Variants in ANAPC16 observed in about 807,000 individuals in gnomAD.
The protein encoded by ANAPC16 is anaphase-promoting complex subunit 16.
In ANAPC16, 6 loss-of-function variants were observed where a neutral mutation model predicts 13.1. The observed-to-expected ratio is 0.46, with a 90% confidence interval of 0.25 to 0.90. ANAPC16 has a LOEUF of 0.90. Among genes scored for constraint, ANAPC16 ranks in the 40% least tolerant of loss-of-function variants. The pLI is 0.18. For synonymous variants in ANAPC16, 55 were observed against 51.3 expected, an observed-to-expected ratio of 1.07 and a Z score of -0.31; for missense variants, 113 against 131.1, an observed-to-expected ratio of 0.86 and a Z score of 0.67.
Position 72,216,490 on chromosome 10 carries a change from C to G in ANAPC16, c.-28+352C>G, listed in dbSNP as rs1437241854. On this transcript the variant is annotated intron_variant, in intron 1 of 3. Coordinates refer to ENST00000299381, the MANE Select transcript of ANAPC16 (RefSeq NM_173473.4). ...CCCCGCCCCGTTCCCGCCCCCCCCCCCCCCCGTTACAGCTGCGGCATCTAT... is the reference window on the plus strand; with the variant it reads ...CCCCGCCCCGTTCCCGCCCCCCCCCGCCCCCGTTACAGCTGCGGCATCTAT... 7.7e-5 allele frequency among the ~76,000 whole-genome samples: 10 copies of G among 129,378 alleles called. No individual in the cohort carries two copies. The South Asian group carries it at 1.0e-3, about 13-fold the overall frequency. The allele number at this position is 129,378 out of a possible 152,430, so 84.9% of individuals were successfully genotyped here.
chr10:72,228,906 G>A (rs899505139), intron 2 of ANAPC16, among the ~76,000 whole-genome samples: 1 of 152,174 alleles, frequency 6.6e-6, no homozygotes, highest in Admixed American at 6.6e-5. Flanking sequence ...CAAGTGAGAG[G>A]TGGCACTTTC....
intron 1 of ANAPC16, among the ~76,000 whole-genome samples, chr10:72,218,739 C>G (rs1191865508): frequency 6.6e-6 from 1 of 152,214 alleles, no homozygotes; most frequent in Non-Finnish European, 1.5e-5. Context: ...TCATTTACCA[C>G]TTGCTGGTAG....
chr10:72,232,186 CAAA>C (rs1194817055), intron 3 of ANAPC16, among the ~76,000 whole-genome samples: 5 of 43,912 alleles, frequency 1.1e-4, no homozygotes, highest in African/African-American at 1.7e-4. Flanking sequence ...AACTCTGTCT[CAAA>C]AAAAAAAAAA....
chr10:72,218,168 ATATATATATATATATAT>A (rs1564789469), intron 1 of ANAPC16, among the ~76,000 whole-genome samples: 573 of 19,708 alleles, frequency 0.029, 29 homozygotes, highest in Middle Eastern at 0.042. Flanking sequence ...AAAAAAAAAT[ATATATATATATATATAT>A]ATATATATAT....
rs758581509 is a variant in ANAPC16, at chr10:72,233,112, G to A, written c.329G>A (p.Gly110Asp). 1.2e-6 allele frequency: 2 copies of A among 1,613,810 alleles called. No individual in the cohort carries two copies. Among genetic ancestry groups the A allele is most frequent in the South Asian group, 1.1e-5 (1 of 91,074 alleles). The change falls in exon 4 of 4, where the codon GGT (glycine) becomes GAT (aspartate). Residue 110 changes from glycine (G) to aspartate (D), a missense_variant. Physicochemically the swap from Gly to Asp is moderately conservative, Grantham distance 94. Coordinates refer to ENST00000299381, the MANE Select transcript of ANAPC16 (RefSeq NM_173473.4). ...EQLLGFTPSS[G>D] Reference sequence around the variant, plus strand: ...CTGCTGGGATTCACCCCCTCTTCAGGTTGATACTGCCTGGATGGTCACCTC... The same window carrying A: ...CTGCTGGGATTCACCCCCTCTTCAGATTGATACTGCCTGGATGGTCACCTC...
At chr10:72,231,175 T>G (rs144846089) in intron 3 of ANAPC16, among the ~76,000 whole-genome samples, 50 of 152,260 alleles carry the variant, frequency 3.3e-4, no homozygotes, top group African/African-American at 1.1e-3. Context: ...AAGCTGTAAT[T>G]GCCTCTAACC....
At chr10:72,226,171 A>C (rs1860117110) in intron 2 of ANAPC16, among the ~76,000 whole-genome samples, 1 of 151,152 alleles carries the variant, frequency 6.6e-6, no homozygotes, top group South Asian at 2.1e-4. Flanking sequence ...GCCCACCACC[A>C]CACCTGGCTA....
intron 1 of ANAPC16, among the ~76,000 whole-genome samples, chr10:72,221,974 C>T (rs1859952847): frequency 1.3e-5 from 2 of 150,762 alleles, no homozygotes; most frequent in East Asian, 2.0e-4. Context: ...GTGATCCACC[C>T]GCCTCGGCCT....
chr10:72,224,865 A>G (rs1860069778), intron 2 of ANAPC16, among the ~76,000 whole-genome samples: 1 of 152,314 alleles, frequency 6.6e-6, no homozygotes, highest in Non-Finnish European at 1.5e-5. Flanking sequence ...TGGTTCTTAT[A>G]GCACCAAAGC....
In ANAPC16 at chr10:72,218,166, ATATATATATATATAT is replaced by A. The variant is rs1333741724; in HGVS notation, c.-28+2029_-28+2043del. On this transcript the variant is annotated intron_variant, in intron 1 of 3. Coordinates refer to ENST00000299381, the MANE Select transcript of ANAPC16 (RefSeq NM_173473.4). ...GTCTCAAAAAAAAAAAAAAAAAAAA[ATATATATATATATAT>A]ATATATATATATATATATATATATA... Among the ~76,000 whole-genome samples the A allele has an allele frequency of 2.0e-3, 40 of 20,318 alleles. 2 individuals are homozygous for A. Among genetic ancestry groups the A allele is most frequent in the East Asian group, 2.2e-3 (1 of 460 alleles). 13.3% of individuals were successfully genotyped at this position (20,318 alleles called of 152,430 possible).
At chr10:72,217,199 G>A in intron 1 of ANAPC16, 1 of 382,584 alleles carries the variant, frequency 2.6e-6, no homozygotes, top group Non-Finnish European at 5.2e-6. Context: ...TGTAGGCCGG[G>A]CGCGGTGGCT....
intron 3 of ANAPC16, 86 bp from the exon 4 acceptor site, chr10:72,232,912 ATTT>A (rs1860368260): frequency 9.2e-7 from 1 of 1,086,278 alleles, no homozygotes; most frequent in Non-Finnish European, 1.4e-6. Flanking sequence ...CCTAGAAATT[ATTT>A]TTATACCAGT....
intron 2 of ANAPC16, among the ~76,000 whole-genome samples, chr10:72,225,523 A>T (rs970594981): frequency 3.3e-5 from 5 of 151,884 alleles, no homozygotes; most frequent in African/African-American, 1.2e-4. Context: ...TCAAGGTTGC[A>T]TTGAGCCATG....
chr10:72,229,631 T>C (rs899927776), intron 2 of ANAPC16, among the ~76,000 whole-genome samples: 1 of 152,208 alleles, frequency 6.6e-6, no homozygotes, highest in African/African-American at 2.4e-5. Context: ...TTTTTGAGAA[T>C]ATGTTTTGCT....
At chr10:72,228,312 C>T (rs535361660) in intron 2 of ANAPC16, among the ~76,000 whole-genome samples, 1 of 152,290 alleles carries the variant, frequency 6.6e-6, no homozygotes, top group South Asian at 2.1e-4. Flanking sequence ...TGTCCTCACC[C>T]AGTTATTACT....
At chr10:72,228,783 G>C (rs1860203281) in intron 2 of ANAPC16, among the ~76,000 whole-genome samples, 1 of 152,180 alleles carries the variant, frequency 6.6e-6, no homozygotes, top group Non-Finnish European at 1.5e-5. Flanking sequence ...AAATGCAGAG[G>C]TTCCTTTTTG....
intron 2 of ANAPC16, among the ~76,000 whole-genome samples, chr10:72,227,661 A>G (rs951760661): frequency 6.6e-6 from 1 of 152,094 alleles, no homozygotes; most frequent in East Asian, 1.9e-4. Flanking sequence ...ATTTTCTACC[A>G]TGTTTATAGG....
chr10:72,232,237 T>TAAGA (rs1860336682), intron 3 of ANAPC16, among the ~76,000 whole-genome samples: 1 of 128,660 alleles, frequency 7.8e-6, no homozygotes, highest in Non-Finnish European at 1.6e-5. Context: ...CAGCATAGAA[T>TAAGA]AAGACCCCAT....
At chr10:72,222,411 C>T (rs892751792) in intron 1 of ANAPC16, among the ~76,000 whole-genome samples, 3 of 105,796 alleles carry the variant, frequency 2.8e-5, no homozygotes, top group African/African-American at 1.2e-4. Context: ...AGCGAGACTC[C>T]GTAAATAAAT....
Sources: allele counts gnomAD v4.1 joint callset (sites outside exome capture counted in the v4.1 genomes callset), GRCh38; gene constraint gnomAD v4.1.1; transcripts MANE v1.5; gene names NCBI Gene and HGNC (gene_info 2026-07-23, HGNC 2026-07-21).